DDOST: variants seen among roughly 807,000 people sequenced by gnomAD.
DDOST encodes the protein dolichyl-diphosphooligosaccharide--protein glycosyltransferase non-catalytic subunit.
In DDOST, 25 loss-of-function variants were observed where a neutral mutation model predicts 47.6. The ratio of observed to expected loss-of-function variants is 0.53; its 90% CI spans 0.38 to 0.73. DDOST has a LOEUF of 0.73. Ranked by LOEUF, DDOST falls within the 30% of genes least tolerant of loss-of-function variation. DDOST has a pLI of 0.00. For missense variants in DDOST, 526 were observed against 573.9 expected, an observed-to-expected ratio of 0.92 and a Z score of 0.85; for synonymous variants, 275 against 236.0, an observed-to-expected ratio of 1.17 and a Z score of -1.51.
In DDOST at chr1:20,651,809, A is replaced by ATTTATTTAT. The variant is rs1177180919; in HGVS notation, c.*561_*569dup. 1.9e-5 allele frequency: 1 copy of ATTTATTTAT among 53,164 alleles called. No individual in the cohort carries two copies. Among genetic ancestry groups the ATTTATTTAT allele is most frequent in the Non-Finnish European group, 4.4e-5 (1 of 22,920 alleles). The allele number at this position is 53,164 out of a possible 1,614,324, so 3.3% of individuals were successfully genotyped here. A position where few individuals can be genotyped will look rare whatever the true frequency, so the allele number is the denominator to read the frequency against. ...GCAACATCTCGCTTTATTTTTATTT[A>ATTTATTTAT]TTTATTTATTTATTTATTTATTTAT... On this transcript the variant is annotated 3_prime_UTR_variant, in exon 11 of 11. Transcript: ENST00000602624.
Position 20,651,811 on chromosome 1 carries a change from T to TTATG in DDOST, c.*567_*568insCATA. ...AACATCTCGCTTTATTTTTATTTAT[T>TTATG]TATTTATTTATTTATTTATTTATTT... is the stretch of plus-strand genomic sequence containing the variant. On this transcript the variant is annotated 3_prime_UTR_variant, in exon 11 of 11. Transcript: ENST00000602624. 1.8e-5 allele frequency: 1 copy of TTATG among 55,216 alleles called. No individual in the cohort carries two copies. Among genetic ancestry groups the TTATG allele is most frequent in the Non-Finnish European group, 4.2e-5 (1 of 24,062 alleles). The allele number at this position is 55,216 out of a possible 1,614,324, so 3.4% of individuals were successfully genotyped here. A position where few individuals can be genotyped will look rare whatever the true frequency, so the allele number is the denominator to read the frequency against.
Position 20,652,180 on chromosome 1 carries a change from T to C in DDOST, c.*199A>G, listed in dbSNP as rs898568954. 4 of 516,994 alleles carry C rather than the reference T, an allele frequency of 7.7e-6. No individual in the cohort carries two copies. Among genetic ancestry groups the C allele is most frequent in the Admixed American group, 3.8e-5 (1 of 26,504 alleles). 32.0% of individuals were successfully genotyped at this position (516,994 alleles called of 1,614,324 possible). On this transcript the variant is annotated 3_prime_UTR_variant, in exon 11 of 11. Transcript: ENST00000602624. ...CTGCACATAGGAAAAATGCCACTTTTAGCAATTCAAAGTGGAAAAACTTCT... is the reference window on the plus strand; with the variant it reads ...CTGCACATAGGAAAAATGCCACTTTCAGCAATTCAAAGTGGAAAAACTTCT...
Position 20,653,080 on chromosome 1 carries a change from C to T in DDOST, c.943-109G>A, listed in dbSNP as rs36110575. The T allele has an allele frequency of 0.19, 278,033 of 1,434,644 alleles. 28,274 individuals carry two copies. Among genetic ancestry groups the T allele is most frequent in the Non-Finnish European group, 0.2 (211,700 of 1,042,032 alleles). The allele number at this position is 1,434,644 out of a possible 1,614,324, so 88.9% of individuals were successfully genotyped here. A position where few individuals can be genotyped will look rare whatever the true frequency, so the allele number is the denominator to read the frequency against. ...ACCCGACGAACATGGCAGGAATGCC[C>T]AGGAGTTCAGAAGACCTGCAGATGC... On this transcript the variant is annotated intron_variant, in intron 8 of 10. Coordinates refer to ENST00000602624, the MANE Select transcript of DDOST (RefSeq NM_005216.5).
At chr1:20,655,177 T>TTTG (rs1553147567) in intron 5 of DDOST, among the ~76,000 whole-genome samples, 2 of 147,966 alleles carry the variant, frequency 1.4e-5, no homozygotes, top group Non-Finnish European at 3.0e-5. Flanking sequence ...TTTTGTTTTT[T>TTTG]TTTTTTTTTT....
At position 20,655,697 on chromosome 1, in the gene DDOST, A is replaced by G. The variant is rs2053364473; in HGVS notation, c.435T>C (p.Tyr145=). Residue 145 remains tyrosine, a synonymous_variant, in exon 4 of 11, where the codon TAT becomes TAC. Coordinates refer to ENST00000602624, the MANE Select transcript of DDOST (RefSeq NM_005216.5). ...TTACCTGGCCAAGGTCTGAGATGTC[A>G]TAGTTGTGATGGTCAATGACAGCCG... ...EKTAVIDHHN[Y]DISDLGQHTL... 2.5e-6 allele frequency: 4 copies of G among 1,613,940 alleles called. No homozygotes were observed. Among genetic ancestry groups the G allele is most frequent in the African/African-American group, 2.7e-5 (2 of 74,932 alleles).
intron 5 of DDOST, among the ~76,000 whole-genome samples, chr1:20,655,111 C>T (rs568915983): frequency 1.3e-5 from 2 of 151,932 alleles, no homozygotes; most frequent in Non-Finnish European, 2.9e-5. Context: ...CTGCCCACCT[C>T]AGCCTCCCAA....
At chr1:20,657,774 A>G (rs1461759028) in intron 2 of DDOST, among the ~76,000 whole-genome samples, 2 of 152,202 alleles carry the variant, frequency 1.3e-5, no homozygotes. Context: ...AGAAGCTCCT[A>G]TATTCTCTAC....
chr1:20,654,534 T>C, intron 6 of DDOST, 80 bp downstream of exon 6: 1 of 1,405,606 alleles, frequency 7.1e-7, no homozygotes, highest in Admixed American at 2.0e-5. Context: ...CCCCACCAAC[T>C]AGTCATTTCC....
In DDOST at chr1:20,654,429, G is replaced by A. The variant is rs2070658; in HGVS notation, c.646-58C>T. On this transcript the variant is annotated intron_variant, in intron 6 of 10. Coordinates refer to ENST00000602624, the MANE Select transcript of DDOST (RefSeq NM_005216.5). ...TTCCAAGTAAGGGAAAAGCTGCCAC[G>A]CCTCCCGAACAAGAGGACAGCAGGC... The A allele has an allele frequency of 0.12, 180,282 of 1,538,720 alleles. 11,567 individuals carry two copies. The highest frequency in any genetic ancestry group is 0.2 in the East Asian group (8,242 of 40,788).
Position 20,652,902 on chromosome 1 carries a change from G to A in DDOST, c.1012C>T (p.Leu338=). 1 of 1,614,210 alleles carries A rather than the reference G, an allele frequency of 6.2e-7. No individual in the cohort carries two copies. The highest frequency in any genetic ancestry group is 8.5e-7 in the Non-Finnish European group (1 of 1,180,042). The change falls in exon 9 of 11, where the codon CTG becomes TTG. Residue 338 remains leucine, a synonymous_variant. Coordinates refer to ENST00000602624, the MANE Select transcript of DDOST (RefSeq NM_005216.5). ...AAAGGATCAATGCGGACAAACTCCA[G>A]CTGAATGTCATCGCCATCAAAGGGG... ...WVPFDGDDIQ[L]EFVRIDPFVR... is the part of the protein sequence containing the mutation.
chr1:20,655,523 GA>G lies in DDOST; in HGVS notation c.467del (p.Ile156ThrfsTer9), dbSNP rs2053362172. 1 of 1,613,842 alleles carries G rather than the reference GA, an allele frequency of 6.2e-7. No individual in the cohort carries two copies. The highest frequency in any genetic ancestry group is 8.5e-7 in the Non-Finnish European group (1 of 1,179,892). ...DISDLGQHTL[I>X]VADTENLLKA... The stretch of plus-strand genomic sequence containing the variant: ...TCAGCAGGTTCTCAGTGTCAGCCAC[GA>G]TGAGCGTATGCTGCAAAGAGTAGAT... On this transcript the variant is annotated frameshift_variant, in exon 5 of 11. Transcript: ENST00000602624. LOFTEE classifies it high-confidence loss of function.
intron 5 of DDOST, among the ~76,000 whole-genome samples, 171 bp from the exon 6 acceptor site, chr1:20,654,878 TCAGA>T (rs1030128134): frequency 6.6e-6 from 1 of 151,106 alleles, no homozygotes; most frequent in Non-Finnish European, 1.5e-5. Flanking sequence ...TTTTTGTTTT[TCAGA>T]CAGACCTCGC....
rs761348979 is a variant in DDOST, at chr1:20,652,484, G to A, written c.1215C>T (p.Ile405=). The part of the protein sequence containing the change: ...PLQHTQYERF[I]PSAYPYYASA... ...TGGCGTAGTAGGGGTAGGCCGAGGGGATGAAGCGCTCATACTGCGTGTGCT... is the reference window on the plus strand; with the variant it reads ...TGGCGTAGTAGGGGTAGGCCGAGGGAATGAAGCGCTCATACTGCGTGTGCT... The change falls in exon 11 of 11, where the codon ATC becomes ATT. Residue 405 remains isoleucine, a synonymous_variant. Coordinates refer to ENST00000602624, the MANE Select transcript of DDOST (RefSeq NM_005216.5). 1.9e-5 allele frequency: 30 copies of A among 1,613,876 alleles called. No individual in the cohort carries two copies. The highest frequency in any genetic ancestry group is 2.1e-5 in the Non-Finnish European group (25 of 1,179,998).
chr1:20,661,054 C>A, intron 1 of DDOST, 63 bp from the exon 2 acceptor site: 1 of 1,482,350 alleles, frequency 6.7e-7, no homozygotes, highest in Non-Finnish European at 9.4e-7. Flanking sequence ...CTGCTGCAGA[C>A]ATCGCGGACC....
chr1:20,653,338 T>C (rs16824346), intron 8 of DDOST, among the ~76,000 whole-genome samples: 192 of 152,328 alleles, frequency 1.3e-3, no homozygotes, highest in African/African-American at 4.1e-3. Flanking sequence ...TAATGACCTA[T>C]TTCTCTTATT....
In DDOST at chr1:20,656,140, C is replaced by T. The variant is rs145273438; in HGVS notation, c.313G>A (p.Gly105Ser). ...NVETISAFID[G>S]GGSVLVAASS... Reference sequence around the variant, plus strand: ...GCAGCTACCAGCACACTGCCTCCGCCGTCAATAAAGGCACTGATGGTCTCC... The same window carrying T: ...GCAGCTACCAGCACACTGCCTCCGCTGTCAATAAAGGCACTGATGGTCTCC... The change falls in exon 3 of 11, where the codon GGC becomes AGC. Residue 105 changes from glycine (G) to serine (S), a missense_variant. By Grantham distance (56) the Gly-to-Ser change is moderately conservative. Coordinates refer to ENST00000602624, the MANE Select transcript of DDOST (RefSeq NM_005216.5). The T allele has an allele frequency of 1.2e-5, 19 of 1,614,040 alleles. No homozygotes were observed. Among genetic ancestry groups the T allele is most frequent in the African/African-American group, 2.7e-5 (2 of 74,932 alleles).
At position 20,656,173 on chromosome 1, in the gene DDOST, T is replaced by C. The variant is rs200375864; in HGVS notation, c.280A>G (p.Ile94Val). 6.2e-7 allele frequency: 1 copy of C among 1,614,132 alleles called. No homozygotes were observed. Among genetic ancestry groups the C allele is most frequent in the South Asian group, 1.1e-5 (1 of 91,084 alleles). ...SPSVEDFGGNINVETISAFID... is the reference protein window; with the variant it reads ...SPSVEDFGGNVNVETISAFID... ...AAGGCACTGATGGTCTCCACGTTGA[T>C]GTTGCCTCCAAAATCTGAAAGCAGG... Residue 94 changes from isoleucine (I) to valine (V), a missense_variant, in exon 3 of 11, where the codon ATC becomes GTC. By Grantham distance (29) the Ile-to-Val change is conservative. Coordinates refer to ENST00000602624, the MANE Select transcript of DDOST (RefSeq NM_005216.5).
At position 20,655,488 on chromosome 1, in the gene DDOST, G is replaced by T. The variant is rs2053361663; in HGVS notation, c.503C>A (p.Thr168Asn). Residue 168 changes from threonine to asparagine, a missense_variant, in exon 5 of 11, where the codon ACC becomes AAC. Coordinates refer to ENST00000602624, the MANE Select transcript of DDOST (RefSeq NM_005216.5). ...ADTENLLKAP[T>N]IVGKSSLNPI... ...ATTTAGAGATGATTTCCCAACGATG[G>T]TTGGGGCCTTCAGCAGGTTCTCAGT... 1 of 1,613,946 alleles carries T rather than the reference G, an allele frequency of 6.2e-7. No homozygotes were observed. The highest frequency in any genetic ancestry group is 1.7e-5 in the Admixed American group (1 of 59,982).
intron 2 of DDOST, 65 bp from the exon 3 acceptor site, chr1:20,656,252 G>T: frequency 7.5e-7 from 1 of 1,332,888 alleles, no homozygotes; most frequent in South Asian, 1.2e-5. Flanking sequence ...GACACTGGCA[G>T]GGAGGGGACA....
Sources: allele counts gnomAD v4.1 joint callset (sites outside exome capture counted in the v4.1 genomes callset), GRCh38; gene constraint gnomAD v4.1.1; transcripts MANE v1.5; gene names NCBI Gene and HGNC (gene_info 2026-07-23, HGNC 2026-07-21).